Variants in DPF3 observed in about 807,000 individuals in gnomAD.
DPF3 encodes zinc finger protein DPF3.
A neutral mutation model predicts 56.8 loss-of-function variants in DPF3; 18 were observed. The ratio of observed to expected loss-of-function variants is 0.32; its 90% CI spans 0.22 to 0.47. DPF3 has a LOEUF of 0.47. Among genes scored for constraint, DPF3 ranks in the 20% least tolerant of loss-of-function variants. The pLI is 1.00. For missense variants in DPF3, 403 were observed against 488.8 expected, an observed-to-expected ratio of 0.82 and a Z score of 1.65; for synonymous variants, 188 against 180.2, an observed-to-expected ratio of 1.04 and a Z score of -0.35.
Position 72,674,138 on chromosome 14 carries a change from A to G in DPF3, c.871+102T>C, listed in dbSNP as rs186433637. On this transcript the variant is annotated intron_variant, in intron 8 of 10. Transcript: ENST00000556509. ...CTCTCCACTCGAAAGCATTGCCACC[A>G]TCGCTTCCCTCTCCAGTCTCCAGCA... 402 of 1,429,920 alleles carry G rather than the reference A, an allele frequency of 2.8e-4. 5 individuals carry two copies. The East Asian group carries it at 9.8e-3, about 35-fold the overall frequency. The allele number at this position is 1,429,920 out of a possible 1,614,324, so 88.6% of individuals were successfully genotyped here.
chr14:72,864,847 TC>T (rs1885600040), intron 1 of DPF3, among the ~76,000 whole-genome samples: 1 of 151,932 alleles, frequency 6.6e-6, no homozygotes, highest in Non-Finnish European at 1.5e-5. Context: ...CCTGCCAGTG[TC>T]CCCACAAGCC....
chr14:72,784,517 C>A (rs907824667), intron 1 of DPF3, among the ~76,000 whole-genome samples: 1 of 152,180 alleles, frequency 6.6e-6, no homozygotes, highest in African/African-American at 2.4e-5. Flanking sequence ...TTCCTTCCCC[C>A]ACTATACTTA....
chr14:72,854,858 G>A (rs1885116709), intron 1 of DPF3, among the ~76,000 whole-genome samples: 1 of 152,140 alleles, frequency 6.6e-6, no homozygotes, highest in African/African-American at 2.4e-5. Context: ...GTCACCAGAG[G>A]GAGCCCAAAT....
intron 1 of DPF3, among the ~76,000 whole-genome samples, chr14:72,788,442 C>T (rs182877522): frequency 9.9e-5 from 15 of 152,062 alleles, no homozygotes; most frequent in African/African-American, 3.6e-4. Flanking sequence ...GGAGGGGGGC[C>T]GCAGAGTCAC....
chr14:72,889,961 A>T (rs1886686519), intron 1 of DPF3, among the ~76,000 whole-genome samples: 2 of 152,222 alleles, frequency 1.3e-5, no homozygotes, highest in South Asian at 4.1e-4. Context: ...ACTTAAGGTA[A>T]AGCCCTGTTG....
chr14:72,736,024 C>T (rs1362441285), intron 3 of DPF3, among the ~76,000 whole-genome samples: 1 of 152,190 alleles, frequency 6.6e-6, no homozygotes, highest in Non-Finnish European at 1.5e-5. Context: ...ATGTTATTCC[C>T]TAAGTTTGAA....
Position 72,679,018 on chromosome 14 carries a change from C to T in DPF3, c.743-4650G>A, listed in dbSNP as rs563421898. ...AAATGAAAAGTGAAGCTTCACACAG[C>T]CCCATCACCACGCTCAGGGAAGCGA... On this transcript the variant is annotated intron_variant, in intron 7 of 10. Coordinates refer to ENST00000556509, the MANE Select transcript of DPF3 (RefSeq NM_001280542.3). 9.2e-5 allele frequency among the ~76,000 whole-genome samples: 14 copies of T among 152,318 alleles called. No individual in the cohort carries two copies. The South Asian group carries it at 2.7e-3, about 29-fold the overall frequency.
chr14:72,859,439 G>A (rs900874437), intron 1 of DPF3, among the ~76,000 whole-genome samples: 1 of 147,186 alleles, frequency 6.8e-6, no homozygotes, highest in African/African-American at 2.5e-5. Context: ...ATCTATCACA[G>A]TTTAACTTCA....
intron 1 of DPF3, among the ~76,000 whole-genome samples, chr14:72,819,280 A>G (rs904293510): frequency 1.6e-4 from 24 of 152,276 alleles, no homozygotes; most frequent in African/African-American, 5.5e-4. Context: ...TTTAGAAAAT[A>G]GTATGGTAGC....
intron 1 of DPF3, among the ~76,000 whole-genome samples, chr14:72,785,800 T>A (rs1270475256): frequency 6.6e-6 from 1 of 152,098 alleles, no homozygotes; most frequent in Non-Finnish European, 1.5e-5. Flanking sequence ...ACCAAATCCA[T>A]CCCAAATGTG....
chr14:72,680,962 G>A (rs532539279), intron 7 of DPF3, among the ~76,000 whole-genome samples: 20 of 152,354 alleles, frequency 1.3e-4, no homozygotes, highest in Non-Finnish European at 2.5e-4. Flanking sequence ...TCCACACCCA[G>A]AGGAACCCAG....
intron 5 of DPF3, among the ~76,000 whole-genome samples, chr14:72,719,059 C>T (rs1298475097): frequency 1.4e-5 from 2 of 146,434 alleles, no homozygotes; most frequent in East Asian, 2.0e-4. Context: ...TGTGAGCCAC[C>T]GTGCCAGGCC....
chr14:72,689,557 A>G (rs1887583936), intron 7 of DPF3, among the ~76,000 whole-genome samples: 1 of 152,200 alleles, frequency 6.6e-6, no homozygotes, highest in Non-Finnish European at 1.5e-5. Context: ...TTCAGCACAC[A>G]GCCCCAGTAG....
chr14:72,846,595 C>T (rs1476920320), intron 1 of DPF3, among the ~76,000 whole-genome samples: 2 of 151,928 alleles, frequency 1.3e-5, no homozygotes, highest in Non-Finnish European at 2.9e-5. Context: ...CTCGGCCTCC[C>T]AAAGTGCTGG....
At chr14:72,666,312 T>G (rs1324384551) in intron 8 of DPF3, among the ~76,000 whole-genome samples, 1 of 152,222 alleles carries the variant, frequency 6.6e-6, no homozygotes, top group Non-Finnish European at 1.5e-5. Context: ...AAGATTCTAA[T>G]GTGTCATAGT....
At position 72,819,652 on chromosome 14, in the gene DPF3, G is replaced by A. The variant is rs539913013; in HGVS notation, c.33-47759C>T. On this transcript the variant is annotated intron_variant, in intron 1 of 10. Transcript: ENST00000556509. ...TAAGCTAGATTCAAAAGAGTAGATAGTGGTCAGGCATGGTGGCTCACATCT... is the reference window on the plus strand; with the variant it reads ...TAAGCTAGATTCAAAAGAGTAGATAATGGTCAGGCATGGTGGCTCACATCT... Among the ~76,000 whole-genome samples, 3 of 152,274 alleles carry A rather than the reference G, an allele frequency of 2.0e-5. No homozygotes were observed. In the South Asian group the frequency reaches 6.2e-4, roughly 32 times the overall value.
chr14:72,872,432 T>C (rs1885938476), intron 1 of DPF3, among the ~76,000 whole-genome samples: 1 of 152,254 alleles, frequency 6.6e-6, no homozygotes, highest in Non-Finnish European at 1.5e-5. Flanking sequence ...CTGCAAATTT[T>C]CCAAACTTTT....
intron 6 of DPF3, among the ~76,000 whole-genome samples, chr14:72,694,328 G>A (rs1202332266): frequency 2.6e-5 from 4 of 151,806 alleles, no homozygotes; most frequent in South Asian, 2.1e-4. Flanking sequence ...GCTCTCTGCT[G>A]GAGTGCCTGA....
At chr14:72,892,384 G>T in intron 1 of DPF3, 1 of 1,519,714 alleles carries the variant, frequency 6.6e-7, no homozygotes, top group Non-Finnish European at 8.8e-7. Context: ...CAAGCGCAGT[G>T]TATCCGAGCT....
Sources: allele counts gnomAD v4.1 joint callset (sites outside exome capture counted in the v4.1 genomes callset), GRCh38; gene constraint gnomAD v4.1.1; transcripts MANE v1.5; gene names NCBI Gene and HGNC (gene_info 2026-07-23, HGNC 2026-07-21).